Variants in RIMS2 observed in about 807,000 individuals in gnomAD.
The protein encoded by RIMS2 is regulating synaptic membrane exocytosis 2, also known as regulating synaptic membrane exocytosis protein 2.
Under a neutral mutation model 174.4 loss-of-function variants are expected in RIMS2, and 59 were observed. The ratio of observed to expected loss-of-function variants is 0.34; its 90% confidence interval spans 0.27 to 0.42. RIMS2 has a LOEUF of 0.42. Among genes scored for constraint, RIMS2 ranks in the 10% least tolerant of loss-of-function variants. The probability of loss-of-function intolerance (pLI) is 1.00; values close to 1 mark genes in which losing one functional copy is unlikely to be tolerated. For missense variants in RIMS2, 1,620 were observed against 1,666.3 expected (o/e 0.97, Z 0.48); for synonymous variants, 606 against 572.5 (o/e 1.06, Z -0.84).
At chr8:104,005,976 A>G (rs922435436) in intron 17 of RIMS2, among the ~76,000 whole-genome samples, 1 of 152,040 alleles carries the variant, frequency 6.6e-6, no homozygotes, top group Non-Finnish European at 1.5e-5. Context: ...CATGTAAGGT[A>G]GTGCTGAGAA....
chr8:104,110,632 G>A (rs1468427213), intron 19 of RIMS2, among the ~76,000 whole-genome samples: 1 of 152,052 alleles, frequency 6.6e-6, no homozygotes, highest in Non-Finnish European at 1.5e-5. Context: ...GCTAAAATCA[G>A]TCAACAAGAT....
chr8:103,939,892 C>T (rs1231082147), intron 13 of RIMS2, among the ~76,000 whole-genome samples: 3 of 152,116 alleles, frequency 2.0e-5, no homozygotes, highest in Non-Finnish European at 4.4e-5. Context: ...TGCTGCAGTT[C>T]CCAAAAAATT....
At chr8:103,608,924 A>C (rs2095261558) in intron 1 of RIMS2, among the ~76,000 whole-genome samples, 1 of 152,226 alleles carries the variant, frequency 6.6e-6, no homozygotes, top group East Asian at 1.9e-4. Context: ...CTGGTACCTC[A>C]GATGGAAATG....
exon 21 of RIMS2, chr8:104,248,737 C>T (rs1563993383): frequency 6.2e-6 from 10 of 1,612,880 alleles, no homozygotes; most frequent in Non-Finnish European, 8.5e-6. Context: ...CCTCTGATAG[C>T]CAGTTCAGTG....
chr8:103,872,861 T>C (rs2099119069), intron 3 of RIMS2, among the ~76,000 whole-genome samples: 1 of 152,228 alleles, frequency 6.6e-6, no homozygotes, highest in African/African-American at 2.4e-5. Flanking sequence ...ACTGCTGCCC[T>C]GAATAAAATT....
At chr8:103,807,741 A>G (rs1198230510) in intron 3 of RIMS2, among the ~76,000 whole-genome samples, 1 of 152,098 alleles carries the variant, frequency 6.6e-6, no homozygotes, top group African/African-American at 2.4e-5. Flanking sequence ...GGTAAGACAG[A>G]TGGAAAATTG....
At chr8:103,532,998 T>A (rs1837959893) in intron 1 of RIMS2, among the ~76,000 whole-genome samples, 1 of 152,186 alleles carries the variant, frequency 6.6e-6, no homozygotes, top group African/African-American at 2.4e-5. Flanking sequence ...AGGAATATAA[T>A]ATATGTTGAC....
At chr8:103,915,378 G>C (rs1474879389) in intron 6 of RIMS2, 117 bp from the exon 10 acceptor site, 1 of 506,070 alleles carries the variant, frequency 2.0e-6, no homozygotes, top group Non-Finnish European at 3.6e-6. Flanking sequence ...ATCATTTTCT[G>C]TACATTAAAT....
At chr8:103,788,872 C>T (rs977945513) in intron 3 of RIMS2, among the ~76,000 whole-genome samples, 2 of 152,204 alleles carry the variant, frequency 1.3e-5, no homozygotes, top group East Asian at 1.9e-4. Flanking sequence ...CCCCCAGCCT[C>T]GCCGCCGCCT....
At chr8:103,651,784 C>T (rs563314299) in intron 1 of RIMS2, among the ~76,000 whole-genome samples, 9 of 151,746 alleles carry the variant, frequency 5.9e-5, no homozygotes, top group African/African-American at 1.7e-4. Context: ...TTTAAAAATA[C>T]ATTCGTAAAA....
intron 14 of RIMS2, among the ~76,000 whole-genome samples, chr8:103,948,507 G>A (rs912104040): frequency 2.6e-5 from 4 of 152,012 alleles, no homozygotes; most frequent in Non-Finnish European, 4.4e-5. Context: ...AAGAAGATAC[G>A]GCTACATACT....
Position 104,176,009 on chromosome 8 carries a change from G to A in RIMS2, c.3335-68907G>A, listed in dbSNP as rs949067094. Among the ~76,000 whole-genome samples, 37 of 152,118 alleles carry A rather than the reference G, an allele frequency of 2.4e-4. 1 individual carries two copies. Among genetic ancestry groups the A allele is most frequent in the Non-Finnish European group, 8.8e-5 (6 of 68,022 alleles). On this transcript the variant is annotated intron_variant, in intron 19 of 23. Coordinates refer to ENST00000504942, the Ensembl canonical transcript of RIMS2. The stretch of plus-strand genomic sequence containing the variant: ...AAACTAGTCCTACCCAACTTCTCAG[G>A]ATGGCACATTCATATTCTCATTCTC...
chr8:103,737,463 A>G (rs775316147), intron 2 of RIMS2, among the ~76,000 whole-genome samples: 1 of 152,052 alleles, frequency 6.6e-6, no homozygotes, highest in African/African-American at 2.4e-5. Context: ...CTGGGATTAT[A>G]GGAGTGAACC....
intron 19 of RIMS2, among the ~76,000 whole-genome samples, chr8:104,069,183 G>A (rs768042685): frequency 1.3e-5 from 2 of 152,156 alleles, no homozygotes; most frequent in East Asian, 1.9e-4. Context: ...TCAGTTAGAT[G>A]ATTTTGCCCA....
intron 19 of RIMS2, among the ~76,000 whole-genome samples, chr8:104,240,023 T>G (rs1331958661): frequency 6.6e-6 from 1 of 152,172 alleles, no homozygotes; most frequent in Non-Finnish European, 1.5e-5. Flanking sequence ...TAGAGGCTGC[T>G]CTCACATCCT....
At chr8:103,785,606 C>G (rs1044034180) in intron 3 of RIMS2, among the ~76,000 whole-genome samples, 1 of 152,098 alleles carries the variant, frequency 6.6e-6, no homozygotes, top group African/African-American at 2.4e-5. Context: ...AGCCTTGCAT[C>G]CCAGGGATGA....
At chr8:104,153,336 A>C (rs1238959942) in intron 19 of RIMS2, among the ~76,000 whole-genome samples, 2 of 152,174 alleles carry the variant, frequency 1.3e-5, no homozygotes, top group African/African-American at 4.8e-5. Flanking sequence ...TTAAAAACTT[A>C]TCCAGCAGAT....
chr8:104,051,833 G>A (rs868117344), intron 19 of RIMS2, among the ~76,000 whole-genome samples: 1 of 152,166 alleles, frequency 6.6e-6, no homozygotes, highest in African/African-American at 2.4e-5. Context: ...ATATAGTTGT[G>A]CTGATTAAGT....
At chr8:104,115,078 A>T (rs1343030414) in intron 19 of RIMS2, among the ~76,000 whole-genome samples, 1 of 152,084 alleles carries the variant, frequency 6.6e-6, no homozygotes, top group Non-Finnish European at 1.5e-5. Context: ...TAAGATTATA[A>T]ATGTATTTCA....
Sources: gnomAD v4.1 joint callset for allele counts (sites outside exome capture counted in the v4.1 genomes callset) on GRCh38, gnomAD v4.1.1 for gene constraint, MANE v1.5 for transcripts, NCBI Gene and HGNC (gene_info 2026-07-23, HGNC 2026-07-21) for gene names.